The following PELI2 variants were observed in gnomAD, a reference collection of about 807,000 sequenced individuals.
PELI2 encodes pellino E3 ubiquitin protein ligase family member 2, also known as E3 ubiquitin-protein ligase pellino homolog 2.
PELI2 carries 23 observed loss-of-function variants against 42.3 expected under a neutral mutation model. That is an observed-to-expected ratio of 0.54 (90% CI 0.39 to 0.77). The LOEUF (loss-of-function observed/expected upper bound fraction) is 0.77, where lower values mean the gene tolerates loss of function less well. Among genes scored for constraint, PELI2 ranks in the 30% least tolerant of loss-of-function variants. The pLI is 0.00. For missense variants in PELI2, 463 were observed against 553.2 expected (o/e 0.84, Z 1.64); for synonymous variants, 245 against 212.2 (o/e 1.15, Z -1.34).
rs1882937076 is a variant in PELI2 at position 56,118,611 on chromosome 14, C to T, written c.-50C>T. 4 of 1,192,424 alleles carry T rather than the reference C, an allele frequency of 3.4e-6. No homozygotes were observed. Among genetic ancestry groups the T allele is most frequent in the African/African-American group, 1.7e-5 (1 of 59,108 alleles). 73.9% of individuals were successfully genotyped at this position (1,192,424 alleles called of 1,614,324 possible). ...GGCGGCGCGGACTCGGCGGGGATCG[C>T]GGCGGAGGCGGCGGCGTCGGCGGCG... On this transcript the variant is annotated 5_prime_UTR_variant, in exon 1 of 6. Transcript: ENST00000267460.
intron 2 of PELI2, among the ~76,000 whole-genome samples, chr14:56,261,320 G>C (rs1013046643): frequency 6.6e-6 from 1 of 151,898 alleles, no homozygotes; most frequent in African/African-American, 2.4e-5. Context: ...CTTACGGCTT[G>C]TTTCTGTTCA....
At chr14:56,264,047 AAATT>A (rs1888815327) in intron 2 of PELI2, among the ~76,000 whole-genome samples, 1 of 152,210 alleles carries the variant, frequency 6.6e-6, no homozygotes, top group Non-Finnish European at 1.5e-5. Flanking sequence ...TGTAACTCCC[AAATT>A]AATACTCAGG....
chr14:56,224,806 T>C (rs748528547), intron 2 of PELI2, among the ~76,000 whole-genome samples: 3 of 152,224 alleles, frequency 2.0e-5, no homozygotes, highest in Non-Finnish European at 4.4e-5. Context: ...CTCATAAAAA[T>C]GTCAACACGT....
intron 2 of PELI2, among the ~76,000 whole-genome samples, chr14:56,210,423 T>C (rs1249462592): frequency 6.6e-6 from 1 of 152,094 alleles, no homozygotes; most frequent in Non-Finnish European, 1.5e-5. Flanking sequence ...CCTTTTAGAA[T>C]GATTTTGGTT....
At chr14:56,201,508 A>G (rs1385979890) in intron 2 of PELI2, among the ~76,000 whole-genome samples, 1 of 152,210 alleles carries the variant, frequency 6.6e-6, no homozygotes, top group Non-Finnish European at 1.5e-5. Flanking sequence ...AGAATTTTGC[A>G]TGCATTCATC....
intron 2 of PELI2, among the ~76,000 whole-genome samples, chr14:56,261,655 T>C (rs772925495): frequency 6.6e-6 from 1 of 152,216 alleles, no homozygotes; most frequent in Non-Finnish European, 1.5e-5. Flanking sequence ...AGTTTCCTTA[T>C]TTTACAAAAT....
chr14:56,119,468 C>G (rs1208118949), intron 1 of PELI2, among the ~76,000 whole-genome samples: 1 of 152,152 alleles, frequency 6.6e-6, no homozygotes, highest in African/African-American at 2.4e-5. Flanking sequence ...GTCCCGGCCT[C>G]GCTGATGCCC....
At chr14:56,120,290 A>G (rs574329632) in intron 1 of PELI2, among the ~76,000 whole-genome samples, 11 of 152,296 alleles carry the variant, frequency 7.2e-5, no homozygotes, top group Admixed American at 2.0e-4. Context: ...TGTGTTTAAC[A>G]CTGTGAACTT....
At chr14:56,256,429 G>A (rs2139825410) in intron 2 of PELI2, among the ~76,000 whole-genome samples, 1 of 151,816 alleles carries the variant, frequency 6.6e-6, no homozygotes, top group South Asian at 2.1e-4. Flanking sequence ...TGCCAGCCTG[G>A]GCAAAGATCG....
In PELI2 at chr14:56,170,566, A is replaced by G. The variant is rs113833521; in HGVS notation, c.78-7769A>G. 2.6e-5 allele frequency among the ~76,000 whole-genome samples: 4 copies of G among 152,260 alleles called. 1 individual carries two copies. Among genetic ancestry groups the G allele is most frequent in the African/African-American group, 7.2e-5 (3 of 41,542 alleles). ...TTTAGGTTCTGCCTGACATTTCCTA[A>G]CTGTGTAAGTTCGTGTGTGATCAGC... On this transcript the variant is annotated intron_variant, in intron 1 of 5. Coordinates refer to ENST00000267460, the MANE Select transcript of PELI2 (RefSeq NM_021255.3).
At chr14:56,193,355 A>G (rs1326250246) in intron 2 of PELI2, among the ~76,000 whole-genome samples, 1 of 152,152 alleles carries the variant, frequency 6.6e-6, no homozygotes, top group East Asian at 1.9e-4. Context: ...TTAACCCATT[A>G]TCTGATTTGA....
chr14:56,210,060 A>C (rs1043467850), intron 2 of PELI2, among the ~76,000 whole-genome samples: 3 of 152,170 alleles, frequency 2.0e-5, no homozygotes, highest in Admixed American at 6.5e-5. Context: ...AGACATTGTT[A>C]TATTAATGTC....
chr14:56,189,379 G>A (rs1885880416), intron 2 of PELI2, among the ~76,000 whole-genome samples: 1 of 152,198 alleles, frequency 6.6e-6, no homozygotes, highest in South Asian at 2.1e-4. Context: ...GATTATGTAG[G>A]ACGAGGTAAG....
intron 2 of PELI2, among the ~76,000 whole-genome samples, chr14:56,265,413 T>C (rs1232323380): frequency 1.3e-5 from 2 of 152,156 alleles, no homozygotes; most frequent in Non-Finnish European, 2.9e-5. Context: ...CTGTTTCATT[T>C]ATACATGCAG....
At chr14:56,280,467 A>G (rs1889445539) in intron 3 of PELI2, among the ~76,000 whole-genome samples, 2 of 152,024 alleles carry the variant, frequency 1.3e-5, no homozygotes, top group Admixed American at 6.6e-5. Context: ...ACTTTAAAAC[A>G]ACAAACAATT....
intron 1 of PELI2, among the ~76,000 whole-genome samples, chr14:56,172,429 A>G (rs1885212583): frequency 6.6e-6 from 1 of 152,200 alleles, no homozygotes; most frequent in South Asian, 2.1e-4. Context: ...TAAGCAAACC[A>G]CTAGAGCCAG....
intron 2 of PELI2, among the ~76,000 whole-genome samples, chr14:56,233,430 G>A (rs1247492886): frequency 6.6e-6 from 1 of 152,126 alleles, no homozygotes; most frequent in Non-Finnish European, 1.5e-5. Context: ...GAACAGAACA[G>A]AGCCCTCAGA....
chr14:56,138,379 A>G (rs1161761556), intron 1 of PELI2, among the ~76,000 whole-genome samples: 1 of 152,158 alleles, frequency 6.6e-6, no homozygotes, highest in Non-Finnish European at 1.5e-5. Flanking sequence ...GGAATTAGAA[A>G]ACACATTTTC....
At chr14:56,146,574 C>A (rs1884128383) in intron 1 of PELI2, among the ~76,000 whole-genome samples, 1 of 152,062 alleles carries the variant, frequency 6.6e-6, no homozygotes, top group African/African-American at 2.4e-5. Flanking sequence ...GCCAGGTTGA[C>A]ATGTAAAGGA....
Sources: gnomAD v4.1 joint callset for allele counts (sites outside exome capture counted in the v4.1 genomes callset) on GRCh38, gnomAD v4.1.1 for gene constraint, MANE v1.5 for transcripts, NCBI Gene and HGNC (gene_info 2026-07-23, HGNC 2026-07-21) for gene names.